Variants in NXN observed in about 807,000 individuals in gnomAD.
The protein encoded by NXN is nucleoredoxin, also known as nucleoredoxin 1.
Under a neutral mutation model 48.6 loss-of-function variants are expected in NXN, and 16 were observed. The observed-to-expected ratio is 0.33, with a 90% CI of 0.22 to 0.50. NXN has a LOEUF of 0.50. Ranked by LOEUF, NXN falls within the 20% of genes least tolerant of loss-of-function variation. The pLI is 0.98. For missense variants in NXN, 492 were observed against 605.5 expected (o/e 0.81, Z 1.97); for synonymous variants, 281 against 269.6 (o/e 1.04, Z -0.41).
chr17:881,229 G>A (rs893420741), intron 1 of NXN, among the ~76,000 whole-genome samples: 2 of 152,240 alleles, frequency 1.3e-5, no homozygotes, highest in African/African-American at 4.8e-5. Context: ...ACACTCCGCT[G>A]CCGGGGACAT....
chr17:816,521 C>A (rs369690831), intron 5 of NXN, among the ~76,000 whole-genome samples: 7 of 152,148 alleles, frequency 4.6e-5, no homozygotes, highest in East Asian at 1.9e-4. Context: ...TTCCAGATCC[C>A]CTGGGGCATC....
rs184631447 is a variant in NXN, at chr17:808,948, A to T, written c.821-3701T>A. On this transcript the variant is annotated intron_variant, in intron 5 of 7. Transcript: ENST00000336868. Reference sequence around the variant, plus strand: ...CGCCTCGGCCTCCCAAACTGCTGGGATTACAGGTGTGAGGCACCGCACCCA... The same window carrying T: ...CGCCTCGGCCTCCCAAACTGCTGGGTTTACAGGTGTGAGGCACCGCACCCA... Among the ~76,000 whole-genome samples, 366 of 152,238 alleles carry T rather than the reference A, an allele frequency of 2.4e-3. 9 individuals carry two copies. Among genetic ancestry groups the T allele is most frequent in the Admixed American group, 0.02 (312 of 15,274 alleles).
chr17:923,444 G>C (rs1040286369), intron 1 of NXN, among the ~76,000 whole-genome samples: 2 of 152,138 alleles, frequency 1.3e-5, no homozygotes, highest in African/African-American at 2.4e-5. Context: ...GATTGCTTGA[G>C]CAAGTCTAGG....
At chr17:802,826 C>G (rs1056816896) in intron 7 of NXN, among the ~76,000 whole-genome samples, 11 of 152,160 alleles carry the variant, frequency 7.2e-5, no homozygotes, top group Admixed American at 5.9e-4. Context: ...CTCCTCCGTG[C>G]CTCTCCTGGG....
intron 1 of NXN, among the ~76,000 whole-genome samples, chr17:889,643 C>T (rs530166919): frequency 6.7e-6 from 1 of 149,368 alleles, no homozygotes; most frequent in East Asian, 2.0e-4. Flanking sequence ...CTCCATTGCA[C>T]TACAGCCTGA....
chr17:954,967 C>T (rs143464400), intron 1 of NXN, among the ~76,000 whole-genome samples: 26 of 152,278 alleles, frequency 1.7e-4, no homozygotes, highest in Middle Eastern at 3.4e-3. Flanking sequence ...TACAGCCACT[C>T]GAGGCTTTCC....
At chr17:955,816 G>T (rs1390668301) in intron 1 of NXN, among the ~76,000 whole-genome samples, 2 of 151,956 alleles carry the variant, frequency 1.3e-5, no homozygotes, top group African/African-American at 2.4e-5. Context: ...GCAGGAGAAT[G>T]GCGTGAACCC....
At chr17:896,845 G>A (rs2068491594) in intron 1 of NXN, 5 of 1,189,532 alleles carry the variant, frequency 4.2e-6, no homozygotes, top group South Asian at 2.7e-5. Flanking sequence ...AATGGACCAC[G>A]CGGTCCTGAC....
At chr17:918,306 C>T (rs1042284506) in intron 1 of NXN, among the ~76,000 whole-genome samples, 3 of 152,088 alleles carry the variant, frequency 2.0e-5, no homozygotes, top group Non-Finnish European at 4.4e-5. Flanking sequence ...TTGTAACGTT[C>T]GGTTTGGAGG....
rs930258711 is a variant in NXN, at chr17:920,603, G to C, written c.360+58716C>G. Among the ~76,000 whole-genome samples, 2 of 152,032 alleles carry C rather than the reference G, an allele frequency of 1.3e-5. No individual in the cohort carries two copies. Among genetic ancestry groups the C allele is most frequent in the Non-Finnish European group, 2.9e-5 (2 of 68,000 alleles). ...CATCCGTATGCCCTAGCCCAGGGTG[G>C]GTCTCATCAACTGTACCCTCACTGG... On this transcript the variant is annotated intron_variant, in intron 1 of 7. Transcript: ENST00000336868. This position sits in a 1 kb window ranked among gnomAD's most constrained non-coding sequence, Gnocchi z 4.6.
At chr17:827,078 C>T (rs1183462342) in intron 1 of NXN, among the ~76,000 whole-genome samples, 2 of 152,190 alleles carry the variant, frequency 1.3e-5, no homozygotes, top group African/African-American at 4.8e-5. Flanking sequence ...ATGTCGGGGC[C>T]GGGCACGGTG....
chr17:865,128 C>A (rs1001464206), intron 1 of NXN, among the ~76,000 whole-genome samples: 1 of 152,212 alleles, frequency 6.6e-6, no homozygotes, highest in Non-Finnish European at 1.5e-5. Context: ...TTGTCCATCT[C>A]CCCTCCCTGT....
At chr17:948,134 T>C (rs1050075644) in intron 1 of NXN, among the ~76,000 whole-genome samples, 3 of 152,078 alleles carry the variant, frequency 2.0e-5, no homozygotes, top group Admixed American at 2.0e-4. Context: ...CAACACAGCA[T>C]AACGACTATT....
At chr17:818,361 C>A (rs1912602355) in intron 5 of NXN, among the ~76,000 whole-genome samples, 1 of 152,112 alleles carries the variant, frequency 6.6e-6, no homozygotes, top group Non-Finnish European at 1.5e-5. Flanking sequence ...GAAGGTGATA[C>A]CCACTCAGCC....
At chr17:939,817 T>C (rs1035403650) in intron 1 of NXN, among the ~76,000 whole-genome samples, 9 of 152,226 alleles carry the variant, frequency 5.9e-5, no homozygotes, top group Non-Finnish European at 1.2e-4. Context: ...ATCCCCCACA[T>C]GCTTTTTTTG....
chr17:901,365 C>T (rs1007723401), intron 1 of NXN, among the ~76,000 whole-genome samples: 9 of 152,188 alleles, frequency 5.9e-5, no homozygotes, highest in Non-Finnish European at 1.0e-4. Context: ...ACTTAATCAA[C>T]GCTAGCTCCT....
intron 1 of NXN, among the ~76,000 whole-genome samples, chr17:888,498 G>T (rs539810473): frequency 1.3e-5 from 2 of 152,288 alleles, no homozygotes; most frequent in East Asian, 3.9e-4. Context: ...TGGGATGACA[G>T]GCATGAGCCA....
At chr17:945,294 C>A (rs1417374702) in intron 1 of NXN, among the ~76,000 whole-genome samples, 5 of 151,760 alleles carry the variant, frequency 3.3e-5, no homozygotes, top group Non-Finnish European at 7.4e-5. Flanking sequence ...GTTGGCCAGG[C>A]TGGTCTCCAA....
chr17:808,625 G>A (rs1911724339), intron 5 of NXN, among the ~76,000 whole-genome samples: 1 of 149,342 alleles, frequency 6.7e-6, no homozygotes. Context: ...AGAGTACCTG[G>A]TATATTGATA....
Sources: gnomAD v4.1 joint callset for allele counts (sites outside exome capture counted in the v4.1 genomes callset) on GRCh38, gnomAD v4.1.1 for gene constraint, Gnocchi (gnomAD v3.1) non-coding constraint, MANE v1.5 for transcripts, NCBI Gene and HGNC (gene_info 2026-07-23, HGNC 2026-07-21) for gene names.